The following JARID2 variants were observed in gnomAD, a reference collection of about 807,000 sequenced individuals.
JARID2 encodes the protein protein Jumonji.
Under a neutral mutation model 125.6 loss-of-function variants are expected in JARID2, and 21 were observed. That is an observed-to-expected ratio of 0.17 (90% CI 0.12 to 0.24). The LOEUF is 0.24. Ranked by LOEUF, JARID2 falls within the 10% of genes least tolerant of loss-of-function variation. JARID2 has a pLI of 1.00. For missense variants in JARID2, 1,303 were observed against 1,639.6 expected (o/e 0.79, Z 3.55); for synonymous variants, 736 against 661.6 (o/e 1.11, Z -1.73).
rs1191031013 is a variant in JARID2 at position 15,520,941 on chromosome 6, A to AT, written c.*690_*691insT. ...AAGAAAAGCGAGCGAGGAAGACGGA[A>AT]AAGACTGCCTGCCTTGGAGGGGTCA... On this transcript the variant is annotated 3_prime_UTR_variant, in exon 18 of 18. Coordinates refer to ENST00000341776, the MANE Select transcript of JARID2 (RefSeq NM_004973.4). 5 of 420,782 alleles carry AT rather than the reference A, an allele frequency of 1.2e-5. No homozygotes were observed. Among genetic ancestry groups the AT allele is most frequent in the Non-Finnish European group, 2.4e-5 (5 of 204,682 alleles). The allele number at this position is 420,782 out of a possible 1,614,324, so 26.1% of individuals were successfully genotyped here.
chr6:15,266,859 C>T (rs992621684), intron 1 of JARID2, among the ~76,000 whole-genome samples: 1 of 152,218 alleles, frequency 6.6e-6, no homozygotes, highest in African/African-American at 2.4e-5. Context: ...AGGGCGCCAG[C>T]TGACCACTGG....
chr6:15,518,582 C>T (rs989037414), intron 17 of JARID2, among the ~76,000 whole-genome samples: 4 of 152,090 alleles, frequency 2.6e-5, no homozygotes, highest in African/African-American at 7.2e-5. Flanking sequence ...CCCAGGTTCA[C>T]GCCATTCTCC....
At chr6:15,372,310 T>C (rs962076845) in intron 1 of JARID2, among the ~76,000 whole-genome samples, 2 of 152,126 alleles carry the variant, frequency 1.3e-5, no homozygotes, top group South Asian at 2.1e-4. Context: ...AAAGGGAACC[T>C]GAATATCCAA....
intron 4 of JARID2, among the ~76,000 whole-genome samples, chr6:15,453,790 C>CA (rs1768027960): frequency 6.6e-6 from 1 of 152,150 alleles, no homozygotes; most frequent in Non-Finnish European, 1.5e-5. Flanking sequence ...GTCATCCTTC[C>CA]AGCCTTGCTT....
chr6:15,270,432 T>C (rs916151644), intron 1 of JARID2, among the ~76,000 whole-genome samples: 1 of 152,174 alleles, frequency 6.6e-6, no homozygotes, highest in Admixed American at 6.5e-5. Flanking sequence ...GCACCTGGCC[T>C]GCTCAGGGTT....
At chr6:15,284,541 G>A (rs1760918509) in intron 1 of JARID2, among the ~76,000 whole-genome samples, 1 of 137,714 alleles carries the variant, frequency 7.3e-6, no homozygotes, top group Non-Finnish European at 1.5e-5. Context: ...ACGAAGTCTT[G>A]CTCTTGTTTC....
intron 1 of JARID2, among the ~76,000 whole-genome samples, chr6:15,266,535 C>T (rs1279745693): frequency 6.6e-6 from 1 of 152,280 alleles, no homozygotes; most frequent in South Asian, 2.1e-4. Flanking sequence ...AGCCTAGCAG[C>T]GCTTGGTTGC....
chr6:15,382,986 T>A (rs1764648751), intron 2 of JARID2, among the ~76,000 whole-genome samples: 2 of 152,144 alleles, frequency 1.3e-5, no homozygotes, highest in South Asian at 4.1e-4. Flanking sequence ...TAGTGGAGTC[T>A]GTATGTGTAG....
chr6:15,501,897 AT>A (rs1273939211), intron 8 of JARID2, among the ~76,000 whole-genome samples: 1 of 152,142 alleles, frequency 6.6e-6, no homozygotes, highest in African/African-American at 2.4e-5. Context: ...GTTCCGTTTC[AT>A]CCTGGTGCTC....
chr6:15,366,317 A>G (rs528028791), intron 1 of JARID2, among the ~76,000 whole-genome samples: 46 of 151,952 alleles, frequency 3.0e-4, no homozygotes, highest in South Asian at 6.2e-4. Flanking sequence ...AGTTTTTTAG[A>G]ATGTTTTTTT....
chr6:15,430,483 G>C (rs529826270), intron 3 of JARID2, among the ~76,000 whole-genome samples: 1 of 152,158 alleles, frequency 6.6e-6, no homozygotes, highest in African/African-American at 2.4e-5. Flanking sequence ...AAATACATGA[G>C]GCCTTTTGAG....
intron 2 of JARID2, among the ~76,000 whole-genome samples, chr6:15,399,464 G>A (rs1418243521): frequency 6.6e-6 from 1 of 152,102 alleles, no homozygotes; most frequent in South Asian, 2.1e-4. Context: ...AGACACTAAG[G>A]AGGACCATCA....
chr6:15,371,516 C>T (rs1764171587), intron 1 of JARID2, among the ~76,000 whole-genome samples: 1 of 152,182 alleles, frequency 6.6e-6, no homozygotes, highest in South Asian at 2.1e-4. Context: ...ATTAACTCCT[C>T]CTGCAGTTAA....
intron 1 of JARID2, among the ~76,000 whole-genome samples, chr6:15,257,336 A>G (rs1427418694): frequency 1.3e-5 from 2 of 152,194 alleles, no homozygotes; most frequent in Admixed American, 6.5e-5. Context: ...GATAGAAATC[A>G]TTGAAATCAC....
chr6:15,375,922 C>A (rs1764337155), intron 2 of JARID2, among the ~76,000 whole-genome samples: 2 of 152,174 alleles, frequency 1.3e-5, no homozygotes, highest in South Asian at 4.1e-4. Context: ...CTGGGAAACA[C>A]CAGCTTTTAG....
At chr6:15,353,429 T>G (rs1763495204) in intron 1 of JARID2, among the ~76,000 whole-genome samples, 1 of 152,240 alleles carries the variant, frequency 6.6e-6, no homozygotes, top group Admixed American at 6.5e-5. Flanking sequence ...TCTACTTAAA[T>G]GGTGGTTTTA....
rs60218567 is a variant in JARID2 at position 15,494,413 on chromosome 6, C to CTTTTTTTTTTTTTTT, written c.907-1713_907-1699dup. ...ACTGGTTTGGATGTTTTTGGCAAGT[C>CTTTTTTTTTTTTTTT]TTTTTTTTTTTTTTTTTTTTGAGAC... On this transcript the variant is annotated intron_variant, in intron 6 of 17. Coordinates refer to ENST00000341776, the MANE Select transcript of JARID2 (RefSeq NM_004973.4). Among the ~76,000 whole-genome samples, 16 of 80,582 alleles carry CTTTTTTTTTTTTTTT rather than the reference C, an allele frequency of 2.0e-4. 2 individuals carry two copies. The highest frequency in any genetic ancestry group is 5.3e-4 in the South Asian group (1 of 1,874). The allele number at this position is 80,582 out of a possible 152,430, so 52.9% of individuals were successfully genotyped here. A position where few individuals can be genotyped will look rare whatever the true frequency, so the allele number is the denominator to read the frequency against.
chr6:15,451,480 CGTGGCCGAATTTAGAA>C (rs1342874981), intron 3 of JARID2, among the ~76,000 whole-genome samples: 1 of 152,042 alleles, frequency 6.6e-6, no homozygotes, highest in East Asian at 1.9e-4. Context: ...GTGAACTTTT[CGTGGCCGAATTTAGAA>C]GTGGCGACAG....
At chr6:15,332,244 A>G (rs1341048516) in intron 1 of JARID2, among the ~76,000 whole-genome samples, 2 of 152,260 alleles carry the variant, frequency 1.3e-5, no homozygotes, top group Non-Finnish European at 2.9e-5. Context: ...TGGTTCTGTG[A>G]GAAAAACCAA....
Sources: allele counts gnomAD v4.1 joint callset (sites outside exome capture counted in the v4.1 genomes callset), GRCh38; gene constraint gnomAD v4.1.1; transcripts MANE v1.5; gene names NCBI Gene and HGNC (gene_info 2026-07-23, HGNC 2026-07-21).